CTNNA3: variants seen among roughly 807,000 people sequenced by gnomAD.
CTNNA3 encodes catenin alpha-3.
Under a neutral mutation model 95.7 loss-of-function variants are expected in CTNNA3, and 76 were observed. The observed-to-expected ratio is 0.79, with a 90% CI of 0.66 to 0.96. CTNNA3 has a LOEUF of 0.96. Among genes scored for constraint, CTNNA3 ranks in the 40% least tolerant of loss-of-function variants. The pLI, the probability that CTNNA3 is intolerant of heterozygous loss-of-function variation, is 0.00. For synonymous variants in CTNNA3, 431 were observed against 374.4 expected (o/e 1.15, Z -1.74); for missense variants, 1,191 against 1,089.8 (o/e 1.09, Z -1.31).
intron 13 of CTNNA3, among the ~76,000 whole-genome samples, chr10:66,116,415 CAG>C (rs1393055351): frequency 1.3e-5 from 2 of 152,126 alleles, no homozygotes; most frequent in African/African-American, 4.8e-5. Flanking sequence ...CATATTCACA[CAG>C]ACTTGTATAC....
chr10:67,167,302 C>T lies in CTNNA3; in HGVS notation c.1047+13015G>A, dbSNP rs537629685. Among the ~76,000 whole-genome samples the T allele has an allele frequency of 7.2e-5, 11 of 152,060 alleles. No individual in the cohort carries two copies. In the South Asian group the frequency reaches 1.2e-3, roughly 17 times the overall value. On this transcript the variant is annotated intron_variant, in intron 7 of 17. Coordinates refer to ENST00000433211, the MANE Select transcript of CTNNA3 (RefSeq NM_013266.4). ...ATATTTACAGTGCTGGCAGTTAATG[C>T]GGGCTTTTGGCTAGGAATGCAGCTC...
At chr10:66,910,734 G>C (rs1460939879) in intron 7 of CTNNA3, among the ~76,000 whole-genome samples, 1 of 152,186 alleles carries the variant, frequency 6.6e-6, no homozygotes, top group Non-Finnish European at 1.5e-5. Flanking sequence ...AAGTGGCAGA[G>C]CACTGAAATG....
intron 9 of CTNNA3, among the ~76,000 whole-genome samples, chr10:66,624,258 TA>T (rs1302285677): frequency 6.6e-6 from 1 of 152,070 alleles, no homozygotes; most frequent in African/African-American, 2.4e-5. Flanking sequence ...TTGTCACCTA[TA>T]AAATGAGTAT....
intron 7 of CTNNA3, among the ~76,000 whole-genome samples, chr10:67,135,129 TCTAGAGATACAGAG>T (rs1860228255): frequency 6.6e-6 from 1 of 152,044 alleles, no homozygotes; most frequent in Admixed American, 6.6e-5. Context: ...GGAGGAAATA[TCTAGAGATACAGAG>T]AATGAAATAG....
intron 1 of CTNNA3, among the ~76,000 whole-genome samples, chr10:67,656,137 A>G (rs1286899984): frequency 6.6e-6 from 1 of 152,194 alleles, no homozygotes; most frequent in African/African-American, 2.4e-5. Context: ...CAGTGCAATA[A>G]TTTGCTGGTA....
intron 11 of CTNNA3, among the ~76,000 whole-genome samples, chr10:66,478,769 C>T (rs541934899): frequency 6.6e-6 from 1 of 151,910 alleles, no homozygotes; most frequent in Admixed American, 6.6e-5. Context: ...CCTCACCCAA[C>T]ATCCACTGGC....
At chr10:66,236,905 A>G (rs995914611) in intron 13 of CTNNA3, among the ~76,000 whole-genome samples, 3 of 151,674 alleles carry the variant, frequency 2.0e-5, no homozygotes, top group Non-Finnish European at 2.9e-5. Context: ...GTTTGAGCCC[A>G]AGAGTTCGAG....
At chr10:67,391,766 C>G (rs1247986817) in intron 5 of CTNNA3, among the ~76,000 whole-genome samples, 14 of 150,520 alleles carry the variant, frequency 9.3e-5, no homozygotes, top group Non-Finnish European at 1.6e-4. Flanking sequence ...CTACAACTAT[C>G]TGATCTTTGA....
At chr10:66,486,790 C>T (rs1839742106) in intron 11 of CTNNA3, among the ~76,000 whole-genome samples, 1 of 151,896 alleles carries the variant, frequency 6.6e-6, no homozygotes, top group Non-Finnish European at 1.5e-5. Context: ...GATACAACCA[C>T]TCATCAACAG....
At chr10:66,645,126 G>A (rs1204801766) in intron 9 of CTNNA3, among the ~76,000 whole-genome samples, 10 of 151,748 alleles carry the variant, frequency 6.6e-5, no homozygotes, top group Admixed American at 5.9e-4. Context: ...TGGTATATAT[G>A]TACAATACAA....
At chr10:66,176,173 T>C (rs2085701924) in intron 13 of CTNNA3, among the ~76,000 whole-genome samples, 1 of 152,176 alleles carries the variant, frequency 6.6e-6, no homozygotes, top group Admixed American at 6.6e-5. Flanking sequence ...TGCACACACA[T>C]ACGTGTGCGC....
At chr10:67,649,168 C>T (rs766709584) in intron 1 of CTNNA3, among the ~76,000 whole-genome samples, 5 of 152,160 alleles carry the variant, frequency 3.3e-5, no homozygotes, top group Non-Finnish European at 5.9e-5. Flanking sequence ...AGATTTCTGC[C>T]ATTGCTTTGT....
chr10:66,692,273 C>G (rs1026134065), intron 9 of CTNNA3, among the ~76,000 whole-genome samples: 21 of 152,056 alleles, frequency 1.4e-4, no homozygotes, highest in African/African-American at 4.6e-4. Context: ...CTTAAAGGAG[C>G]TGATGGAGCT....
At chr10:66,256,551 C>A (rs1286173444) in intron 13 of CTNNA3, among the ~76,000 whole-genome samples, 1 of 151,960 alleles carries the variant, frequency 6.6e-6, no homozygotes, top group Non-Finnish European at 1.5e-5. Context: ...GAAACCCCGT[C>A]TCTACTAAAA....
At chr10:67,209,508 C>A (rs914534324) in intron 6 of CTNNA3, among the ~76,000 whole-genome samples, 1 of 152,114 alleles carries the variant, frequency 6.6e-6, no homozygotes, top group East Asian at 1.9e-4. Context: ...CAATTACGAA[C>A]TTTTAAAACT....
chr10:66,914,934 G>T (rs1846410648), intron 7 of CTNNA3, among the ~76,000 whole-genome samples: 1 of 151,952 alleles, frequency 6.6e-6, no homozygotes, highest in Non-Finnish European at 1.5e-5. Flanking sequence ...GCCAAAATTT[G>T]TAATAAATAA....
chr10:67,693,303 C>A (rs1256431934), intron 1 of CTNNA3, among the ~76,000 whole-genome samples: 2 of 152,188 alleles, frequency 1.3e-5, no homozygotes, highest in Non-Finnish European at 2.9e-5. Context: ...CGGAGTTCCA[C>A]CCCGCTGTAC....
chr10:66,686,069 A>C (rs1366843372), intron 9 of CTNNA3, among the ~76,000 whole-genome samples: 1 of 152,186 alleles, frequency 6.6e-6, no homozygotes, highest in Non-Finnish European at 1.5e-5. Context: ...AACCAACTCA[A>C]ACTAGCTTAC....
Position 67,344,209 on chromosome 10 carries a change from C to G in CTNNA3, c.580-124339G>C, listed in dbSNP as rs547323879. ...AATCCACTTGTTCATGATGAATGAC[C>G]TTTTTAATTAATTGTTGAATTTGGT... On this transcript the variant is annotated intron_variant, in intron 5 of 17. Transcript: ENST00000433211. Among the ~76,000 whole-genome samples the G allele has an allele frequency of 6.6e-5, 10 of 151,844 alleles. No homozygotes were observed. In the South Asian group the frequency reaches 2.1e-3, roughly 32 times the overall value.
Sources: allele counts gnomAD v4.1 joint callset (sites outside exome capture counted in the v4.1 genomes callset), GRCh38; gene constraint gnomAD v4.1.1; transcripts MANE v1.5; gene names NCBI Gene and HGNC (gene_info 2026-07-23, HGNC 2026-07-21).